RALGPS1: variants seen among roughly 807,000 people sequenced by gnomAD.
The protein encoded by RALGPS1 is ras-specific guanine nucleotide-releasing factor RalGPS1.
In RALGPS1, 19 loss-of-function variants were observed where a neutral mutation model predicts 78.8. The observed-to-expected ratio is 0.24, with a 90% CI of 0.17 to 0.35. The LOEUF (loss-of-function observed/expected upper bound fraction) is 0.35. Among genes scored for constraint, RALGPS1 ranks in the 10% least tolerant of loss-of-function variants. The pLI is 1.00. For missense variants in RALGPS1, 454 were observed against 688.3 expected, an observed-to-expected ratio of 0.66 and a Z score of 3.81; for synonymous variants, 228 against 256.3, an observed-to-expected ratio of 0.89 and a Z score of 1.06.
rs569138459 is a variant in RALGPS1, at chr9:127,047,873, G to T, written c.301-2170G>T. ...CAAACTTCTGAAGTTAAAAACTTAA[G>T]TTTTGTAGTTAGAAAAGAAAATAAA... is the stretch of plus-strand genomic sequence containing the variant. On this transcript the variant is annotated intron_variant, in intron 5 of 18. Transcript: ENST00000259351. 4.4e-4 allele frequency among the ~76,000 whole-genome samples: 67 copies of T among 152,056 alleles called. 1 individual carries two copies. The South Asian group carries it at 0.013, about 30-fold the overall frequency.
intron 8 of RALGPS1, among the ~76,000 whole-genome samples, chr9:127,075,363 A>G (rs1276867195): frequency 6.6e-6 from 1 of 152,226 alleles, no homozygotes; most frequent in African/African-American, 2.4e-5. Flanking sequence ...GGGATAGTGT[A>G]TGAGGGTTTA....
chr9:127,019,192 G>A (rs2045200070), intron 4 of RALGPS1, among the ~76,000 whole-genome samples: 1 of 152,144 alleles, frequency 6.6e-6, no homozygotes, highest in African/African-American at 2.4e-5. Flanking sequence ...TCTCAGGAGA[G>A]TTAAGAAACA....
chr9:127,114,033 A>G (rs1284760438), intron 8 of RALGPS1, among the ~76,000 whole-genome samples: 1 of 152,258 alleles, frequency 6.6e-6, no homozygotes. Flanking sequence ...GAAAAGTTCC[A>G]GCAATTAAAA....
chr9:126,947,974 AT>A (rs899310734), intron 1 of RALGPS1, among the ~76,000 whole-genome samples: 2 of 151,852 alleles, frequency 1.3e-5, no homozygotes, highest in Admixed American at 6.6e-5. Flanking sequence ...AGAGAACTAC[AT>A]TTTTTTTAGT....
intron 18 of RALGPS1, chr9:127,217,177 G>A (rs905991047): frequency 2.0e-5 from 25 of 1,248,606 alleles, no homozygotes; most frequent in Non-Finnish European, 2.5e-5. Context: ...TGGCAGATGT[G>A]GTGTAGCATG....
Position 127,218,637 on chromosome 9 carries a change from C to T in RALGPS1, c.1645-103C>T. 7.8e-7 allele frequency: 1 copy of T among 1,276,672 alleles called. No homozygotes were observed. Among genetic ancestry groups the T allele is most frequent in the Non-Finnish European group, 1.1e-6 (1 of 873,280 alleles). 79.1% of individuals were successfully genotyped at this position (1,276,672 alleles called of 1,614,324 possible). A position where few individuals can be genotyped will look rare whatever the true frequency, so the allele number is the denominator to read the frequency against. On this transcript the variant is annotated intron_variant, in intron 18 of 18. Coordinates refer to ENST00000259351, the MANE Select transcript of RALGPS1 (RefSeq NM_014636.3). The surrounding 1 kb of genome is among the most constrained non-coding windows in gnomAD (Gnocchi z 4.4). ...CCTCTCCCTACCCAACCTGCTCATT[C>T]CCAGACTCACGGGGAAAGGCCTGTC...
chr9:126,948,706 T>C (rs1407040278), intron 1 of RALGPS1, among the ~76,000 whole-genome samples: 2 of 152,104 alleles, frequency 1.3e-5, no homozygotes, highest in Non-Finnish European at 2.9e-5. Flanking sequence ...ACAGGATGGC[T>C]GCCTGTTTGT....
At chr9:127,179,001 C>T (rs571913129) in intron 11 of RALGPS1, among the ~76,000 whole-genome samples, 10 of 152,238 alleles carry the variant, frequency 6.6e-5, no homozygotes, top group Admixed American at 2.0e-4. Context: ...GAAATCCCTC[C>T]GTCAGCCACA....
intron 8 of RALGPS1, among the ~76,000 whole-genome samples, chr9:127,105,371 CAAAG>C (rs2054124445): frequency 6.6e-6 from 1 of 152,174 alleles, no homozygotes. Flanking sequence ...GTTGTGAACA[CAAAG>C]AAGCAGGAGA....
intron 5 of RALGPS1, among the ~76,000 whole-genome samples, chr9:127,034,821 T>C (rs1028215004): frequency 1.3e-5 from 2 of 152,146 alleles, no homozygotes; most frequent in Non-Finnish European, 1.5e-5. Context: ...TTCTGTCCAC[T>C]CCTCCAGCCT....
At chr9:127,214,939 G>A (rs2062489179) in intron 18 of RALGPS1, 97 bp downstream of exon 18, 1 of 1,564,716 alleles carries the variant, frequency 6.4e-7, no homozygotes, top group Admixed American at 2.0e-5. Context: ...TTCTTTCAGA[G>A]CCCATTAGCC....
intron 1 of RALGPS1, chr9:126,915,373 C>G (rs968740618): frequency 8.2e-6 from 1 of 121,390 alleles, no homozygotes; most frequent in Non-Finnish European, 1.7e-5. Flanking sequence ...GGGTGCGGCC[C>G]GCGCTGGACC....
chr9:126,946,533 CAA>C lies in RALGPS1; in HGVS notation c.-65-15670_-65-15669del, dbSNP rs61279292. ...TGGGTGAGGGAGCAAGAATCTGTCT[CAA>C]AAAAAAAAAAAAAAAAAAAAAGATT... On this transcript the variant is annotated intron_variant, in intron 1 of 18. Coordinates refer to ENST00000259351, the MANE Select transcript of RALGPS1 (RefSeq NM_014636.3). Among the ~76,000 whole-genome samples the C allele has an allele frequency of 8.0e-3, 611 of 76,208 alleles. 1 individual carries two copies. The highest frequency in any genetic ancestry group is 0.015 in the African/African-American group (288 of 19,290). 50.0% of individuals were successfully genotyped at this position (76,208 alleles called of 152,430 possible). A position where few individuals can be genotyped will look rare whatever the true frequency, so the allele number is the denominator to read the frequency against.
chr9:127,112,042 G>C (rs2054867924), intron 8 of RALGPS1, among the ~76,000 whole-genome samples: 1 of 152,166 alleles, frequency 6.6e-6, no homozygotes, highest in South Asian at 2.1e-4. Flanking sequence ...GCTCCACCTT[G>C]GACCAGCCAG....
At chr9:126,972,853 G>A (rs1432232954) in intron 3 of RALGPS1, among the ~76,000 whole-genome samples, 1 of 152,254 alleles carries the variant, frequency 6.6e-6, no homozygotes, top group African/African-American at 2.4e-5. Context: ...CACAAGGTCA[G>A]GAGTTTGAGA....
chr9:126,959,859 G>A (rs1169222623), intron 1 of RALGPS1, among the ~76,000 whole-genome samples: 1 of 152,114 alleles, frequency 6.6e-6, no homozygotes, highest in East Asian at 1.9e-4. Context: ...TCATACTTAG[G>A]AGAATTGACA....
At chr9:127,011,401 A>G (rs1308085187) in intron 4 of RALGPS1, among the ~76,000 whole-genome samples, 1 of 150,536 alleles carries the variant, frequency 6.6e-6, no homozygotes, top group Non-Finnish European at 1.5e-5. Context: ...CTGGTCTCAA[A>G]CTCCTGACCT....
intron 14 of RALGPS1, among the ~76,000 whole-genome samples, chr9:127,202,860 G>C (rs1423288708): frequency 6.6e-6 from 1 of 152,070 alleles, no homozygotes; most frequent in African/African-American, 2.4e-5. Context: ...GAGAAGGGGG[G>C]CCCCCAGCAC....
At chr9:127,149,027 G>T (rs2058266839) in intron 8 of RALGPS1, among the ~76,000 whole-genome samples, 1 of 152,176 alleles carries the variant, frequency 6.6e-6, no homozygotes. Flanking sequence ...CTCCACATGA[G>T]GGAGGCACCG....
Sources: allele counts gnomAD v4.1 joint callset (sites outside exome capture counted in the v4.1 genomes callset), GRCh38; gene constraint gnomAD v4.1.1; non-coding constraint Gnocchi (gnomAD v3.1); transcripts MANE v1.5; gene names NCBI Gene and HGNC (gene_info 2026-07-23, HGNC 2026-07-21).